Variants in TNNI1 observed in about 807,000 individuals in gnomAD.
The protein encoded by TNNI1 is troponin I, slow skeletal muscle.
In TNNI1, 14 loss-of-function variants were observed where a neutral mutation model predicts 26.7. The observed-to-expected ratio is 0.52, with a 90% CI of 0.35 to 0.82. The LOEUF is 0.82. Ranked by LOEUF, TNNI1 falls within the 40% of genes least tolerant of loss-of-function variation. TNNI1 has a pLI of 0.01. For missense variants in TNNI1, 164 were observed against 257.0 expected, an observed-to-expected ratio of 0.64 and a Z score of 2.47; for synonymous variants, 79 against 98.2, an observed-to-expected ratio of 0.80 and a Z score of 1.16.
At chr1:201,414,701 T>A in intron 4 of TNNI1, 52 bp from the exon 5 acceptor site, 1 of 1,594,124 alleles carries the variant, frequency 6.3e-7, no homozygotes, top group Non-Finnish European at 8.6e-7. Flanking sequence ...CCACCCGGCA[T>A]CAGGGAATGA....
Position 201,404,973 on chromosome 1 carries a change from T to A in TNNI1, c.*4280A>T, listed in dbSNP as rs1392584839. 6.6e-6 allele frequency: 1 copy of A among 152,332 alleles called. No individual in the cohort carries two copies. The highest frequency in any genetic ancestry group is 6.5e-5 in the Admixed American group (1 of 15,284). The allele number at this position is 152,332 out of a possible 1,614,324, so 9.4% of individuals were successfully genotyped here. ...GCCAGGCAAAGCCATACCTCTCTCCTGAACCCAGGGCAAAGGGCCAGGCTC... is the reference window on the plus strand; with the variant it reads ...GCCAGGCAAAGCCATACCTCTCTCCAGAACCCAGGGCAAAGGGCCAGGCTC... On this transcript the variant is annotated 3_prime_UTR_variant, in exon 9 of 9. Transcript: ENST00000361379.
chr1:201,415,403 GT>G, intron 3 of TNNI1, 149 bp from the exon 4 acceptor site: 1 of 806,420 alleles, frequency 1.2e-6, no homozygotes, highest in Non-Finnish European at 2.0e-6. Context: ...GCTCATCTTT[GT>G]TATTTAACCT....
At chr1:201,417,078 G>A in intron 3 of TNNI1, 38 bp downstream of exon 3, 1 of 1,613,844 alleles carries the variant, frequency 6.2e-7, no homozygotes, top group Non-Finnish European at 8.5e-7. Flanking sequence ...CCAGTCGTTA[G>A]AGTTAACCAA....
intron 1 of TNNI1, among the ~76,000 whole-genome samples, chr1:201,418,855 A>G (rs544203936): frequency 1.3e-5 from 2 of 152,236 alleles, no homozygotes; most frequent in South Asian, 4.1e-4. Flanking sequence ...ATAATAAGTA[A>G]TTAAAATAAT....
chr1:201,409,703 A>G (rs1662596291), intron 8 of TNNI1, among the ~76,000 whole-genome samples: 1 of 152,170 alleles, frequency 6.6e-6, no homozygotes, highest in African/African-American at 2.4e-5. Flanking sequence ...AGAGGGTTTT[A>G]CGTGGCCTGA....
chr1:201,412,256 C>T (rs941547496), intron 6 of TNNI1, among the ~76,000 whole-genome samples: 1 of 152,168 alleles, frequency 6.6e-6, no homozygotes, highest in Admixed American at 6.5e-5. Context: ...GCCTTCAAAG[C>T]AGCTCACAGC....
chr1:201,420,483 C>G (rs975432351), intron 1 of TNNI1, among the ~76,000 whole-genome samples: 1 of 152,138 alleles, frequency 6.6e-6, no homozygotes, highest in Non-Finnish European at 1.5e-5. Flanking sequence ...GCTGGGCTTT[C>G]CCTTCCTTGA....
rs1014016804 is a variant in TNNI1 at position 201,415,080 on chromosome 1, C to A, written c.57+133G>T. On this transcript the variant is annotated intron_variant, in intron 4 of 8. Coordinates refer to ENST00000361379, the MANE Select transcript of TNNI1 (RefSeq NM_003281.4). Reference sequence around the variant, plus strand: ...GCACTGGCTCCAGCAATGCTGGACTCCTGCCCCTCATCATCCTCACTCTGG... The same window carrying A: ...GCACTGGCTCCAGCAATGCTGGACTACTGCCCCTCATCATCCTCACTCTGG... 1.8e-5 allele frequency: 15 copies of A among 823,496 alleles called. No homozygotes were observed. The African/African-American group carries it at 2.5e-4, about 14-fold the overall frequency. 51.0% of individuals were successfully genotyped at this position (823,496 alleles called of 1,614,324 possible). A position where few individuals can be genotyped will look rare whatever the true frequency, so the allele number is the denominator to read the frequency against.
intron 3 of TNNI1, among the ~76,000 whole-genome samples, chr1:201,415,536 C>T (rs1485252490): frequency 3.3e-5 from 5 of 151,184 alleles, no homozygotes; most frequent in African/African-American, 7.3e-5. Flanking sequence ...ATGGCTTCTA[C>T]AGGCACCTCC....
chr1:201,417,663 A>T (rs1662773147), intron 2 of TNNI1, 120 bp downstream of exon 2: 2 of 808,824 alleles, frequency 2.5e-6, no homozygotes, highest in Admixed American at 8.0e-5. Context: ...CTGTTTGAGG[A>T]CCTGGTCTCT....
chr1:201,418,026 T>C (rs1662783576), intron 1 of TNNI1, among the ~76,000 whole-genome samples: 1 of 151,260 alleles, frequency 6.6e-6, no homozygotes, highest in South Asian at 2.1e-4. Context: ...AGCCTGTTTT[T>C]GCTTAAAGAA....
chr1:201,412,243 T>A (rs1662646545), intron 6 of TNNI1, among the ~76,000 whole-genome samples: 1 of 152,142 alleles, frequency 6.6e-6, no homozygotes, highest in Non-Finnish European at 1.5e-5. Flanking sequence ...TCCTCCCCAG[T>A]GAGCCTTCAA....
At chr1:201,414,400 C>A in intron 5 of TNNI1, 118 bp downstream of exon 5, 1 of 838,090 alleles carries the variant, frequency 1.2e-6, no homozygotes, top group South Asian at 2.0e-5. Flanking sequence ...GGGAGGAGTG[C>A]CCTGTAAATT....
rs542581857 is a variant in TNNI1, at chr1:201,407,062, G to A, written c.*2191C>T. The A allele has an allele frequency of 4.6e-5, 7 of 152,266 alleles. No homozygotes were observed. Among genetic ancestry groups the A allele is most frequent in the African/African-American group, 1.7e-4 (7 of 41,470 alleles). 9.4% of individuals were successfully genotyped at this position (152,266 alleles called of 1,614,324 possible). A position where few individuals can be genotyped will look rare whatever the true frequency, so the allele number is the denominator to read the frequency against. On this transcript the variant is annotated 3_prime_UTR_variant, in exon 9 of 9. Transcript: ENST00000361379. ...ACTGGGTGGATACCCCAATCTGCCA[G>A]GGCCCCAGGTTAATAGTTGACTGCA...
chr1:201,410,460 A>G lies in TNNI1; in HGVS notation c.457-25T>C, dbSNP rs1241610099. ...CCTGTAGACAAGTGGCACACACATC[A>G]GGGACTTACCAGGCTGGACGGCCCC... On this transcript the variant is annotated intron_variant, in intron 7 of 8. Coordinates refer to ENST00000361379, the MANE Select transcript of TNNI1 (RefSeq NM_003281.4). 4 of 1,605,408 alleles carry G rather than the reference A, an allele frequency of 2.5e-6. No homozygotes were observed. The Admixed American group carries it at 6.7e-5, about 27-fold the overall frequency.
At chr1:201,410,160 G>A (rs1662605944) in intron 8 of TNNI1, 166 bp downstream of exon 8, 2 of 581,788 alleles carry the variant, frequency 3.4e-6, no homozygotes, top group East Asian at 2.9e-5. Context: ...TCATGGTGCT[G>A]GAGCCAGGAC....
rs12059575 is a variant in TNNI1 at position 201,417,819 on chromosome 1, G to A, written c.-19-7C>T. ...GGTGGCAGTGAGACAGCACCTAGGG[G>A]GCACAGAGGAATCATTCATAAGGGA... On this transcript the variant is annotated splice_region_variant and splice_polypyrimidine_tract_variant and intron_variant, in intron 1 of 8. Coordinates refer to ENST00000361379, the MANE Select transcript of TNNI1 (RefSeq NM_003281.4). 1.8e-4 allele frequency: 230 copies of A among 1,312,834 alleles called. No homozygotes were observed. The African/African-American group carries it at 2.9e-3, about 16-fold the overall frequency. The allele number at this position is 1,312,834 out of a possible 1,614,324, so 81.3% of individuals were successfully genotyped here. A position where few individuals can be genotyped will look rare whatever the true frequency, so the allele number is the denominator to read the frequency against.
intron 2 of TNNI1, 57 bp downstream of exon 2, chr1:201,417,726 G>T: frequency 7.7e-7 from 1 of 1,306,644 alleles, no homozygotes; most frequent in Non-Finnish European, 9.8e-7. Context: ...CGGGGCTGAA[G>T]TCTGTGGCAA....
intron 1 of TNNI1, 141 bp from the exon 2 acceptor site, chr1:201,417,953 G>T: frequency 1.8e-6 from 1 of 552,914 alleles, no homozygotes; most frequent in Non-Finnish European, 2.8e-6. Context: ...AGCAGGTCAA[G>T]ATGGGACAGG....
Sources: allele counts gnomAD v4.1 joint callset (sites outside exome capture counted in the v4.1 genomes callset), GRCh38; gene constraint gnomAD v4.1.1; transcripts MANE v1.5; gene names NCBI Gene and HGNC (gene_info 2026-07-23, HGNC 2026-07-21).